CREB1: variants seen among roughly 807,000 people sequenced by gnomAD.
CREB1 encodes cAMP responsive element binding protein 1.
A neutral mutation model predicts 42.0 loss-of-function variants in CREB1; 2 were observed. The observed-to-expected ratio is 0.05, with a 90% CI of 0.02 to 0.15. CREB1 has a LOEUF of 0.15. Ranked by LOEUF, CREB1 falls within the 10% of genes least tolerant of loss-of-function variation. CREB1 has a pLI of 1.00. For synonymous variants in CREB1, 123 were observed against 139.9 expected, an observed-to-expected ratio of 0.88 and a Z score of 0.85; for missense variants, 199 against 388.9, an observed-to-expected ratio of 0.51 and a Z score of 4.11.
chr2:207,587,550 C>G (rs1371292487), intron 7 of CREB1, among the ~76,000 whole-genome samples: 2 of 152,002 alleles, frequency 1.3e-5, no homozygotes, highest in African/African-American at 4.8e-5. Context: ...AAATATCCAT[C>G]AACATATGAA....
chr2:207,595,135 A>G (rs1428035043), intron 7 of CREB1, among the ~76,000 whole-genome samples: 34 of 151,522 alleles, frequency 2.2e-4, no homozygotes, highest in Non-Finnish European at 1.5e-5. Flanking sequence ...AGCTGGGACT[A>G]CAGGCACCCA....
intron 1 of CREB1, among the ~76,000 whole-genome samples, chr2:207,535,496 C>T (rs2080831494): frequency 6.6e-6 from 1 of 151,906 alleles, no homozygotes; most frequent in African/African-American, 2.4e-5. Flanking sequence ...CTAGATTTCT[C>T]CCTGCATTCA....
intron 1 of CREB1, among the ~76,000 whole-genome samples, chr2:207,551,557 A>G (rs994414749): frequency 6.6e-6 from 1 of 152,216 alleles, no homozygotes; most frequent in Admixed American, 6.5e-5. Flanking sequence ...TCTCATGGTT[A>G]TACAGATGGA....
At chr2:207,535,322 A>G (rs2080822652) in intron 1 of CREB1, among the ~76,000 whole-genome samples, 1 of 152,174 alleles carries the variant, frequency 6.6e-6, no homozygotes, top group Non-Finnish European at 1.5e-5. Flanking sequence ...AGGTTCTTAC[A>G]GTTCTGAACA....
chr2:207,568,840 T>C (rs375056034), intron 4 of CREB1, among the ~76,000 whole-genome samples: 1 of 146,702 alleles, frequency 6.8e-6, no homozygotes, highest in African/African-American at 2.7e-5. Context: ...TTGATCTTTA[T>C]TTTTTTTTCT....
In CREB1 at chr2:207,578,529, A is replaced by G. The variant is rs147551200; in HGVS notation, c.839+874A>G. Among the ~76,000 whole-genome samples the G allele has an allele frequency of 4.4e-3, 671 of 152,262 alleles. 4 individuals are homozygous for G. Among genetic ancestry groups the G allele is most frequent in the Admixed American group, 7.3e-3 (111 of 15,294 alleles). On this transcript the variant is annotated intron_variant, in intron 7 of 7. Transcript: ENST00000353267. ...AGAAGGTATTAACCTTCTGTACCTC[A>G]GTTTTGTAAAATGGGATTCCAGCAC... is the stretch of plus-strand genomic sequence containing the variant.
chr2:207,566,543 G>A (rs1056418912), intron 3 of CREB1, among the ~76,000 whole-genome samples: 11 of 152,096 alleles, frequency 7.2e-5, no homozygotes, highest in Non-Finnish European at 1.5e-4. Flanking sequence ...TGACAAACCT[G>A]GTTTGAGACT....
intron 2 of CREB1, among the ~76,000 whole-genome samples, chr2:207,557,426 TAATCCCCACA>T (rs2081772910): frequency 6.6e-6 from 1 of 152,208 alleles, no homozygotes; most frequent in South Asian, 2.1e-4. Flanking sequence ...CTCACACCTA[TAATCCCCACA>T]CTTTGGGAGG....
intron 7 of CREB1, chr2:207,578,165 A>T (rs1044547282): frequency 6.5e-6 from 1 of 152,770 alleles, no homozygotes; most frequent in Non-Finnish European, 1.5e-5. Flanking sequence ...AATTCTAAGA[A>T]TACCATGTTA....
At position 207,555,672 on chromosome 2, in the gene CREB1, G is replaced by A; in HGVS notation, c.37G>A (p.Gly13Arg). Residue 13 changes from glycine (G) to arginine (R), a missense_variant, in exon 2 of 8, where the codon GGA becomes AGA. Around this residue, in one of 4 missense-constraint regions of CREB1, gnomAD observed 53 missense variants for 57.1 expected, o/e 0.93. Transcript: ENST00000353267. ...ATCTGGAGCCGAGAACCAGCAGAGT[G>A]GAGATGCAGCTGTAACAGAAGCTGA... ...MESGAENQQS[G>R]DAAVTEAENQ... 2 of 1,613,474 alleles carry A rather than the reference G, an allele frequency of 1.2e-6. No individual in the cohort carries two copies. Among genetic ancestry groups the A allele is most frequent in the Non-Finnish European group, 1.7e-6 (2 of 1,179,590 alleles).
At chr2:207,583,961 A>C (rs2083376839) in intron 7 of CREB1, among the ~76,000 whole-genome samples, 1 of 152,212 alleles carries the variant, frequency 6.6e-6, no homozygotes, top group Non-Finnish European at 1.5e-5. Context: ...TGGTTCCTTC[A>C]TCTAGCAAAA....
chr2:207,560,187 G>A (rs767403904), intron 2 of CREB1, 39 bp from the exon 3 acceptor site: 1 of 1,521,238 alleles, frequency 6.6e-7, no homozygotes. Flanking sequence ...GCCAAAGAGT[G>A]TCTGGGATGA....
rs763117051 is a variant in CREB1, at chr2:207,602,405, C to G, written c.*5347C>G. 12 of 201,484 alleles carry G rather than the reference C, an allele frequency of 6.0e-5. No individual in the cohort carries two copies. The highest frequency in any genetic ancestry group is 1.2e-4 in the Non-Finnish European group (12 of 98,010). 12.5% of individuals were successfully genotyped at this position (201,484 alleles called of 1,614,324 possible). A position where few individuals can be genotyped will look rare whatever the true frequency, so the allele number is the denominator to read the frequency against. ...ATACATTTTTAATTATTCTCACCAG[C>G]AAGTAAAAGGAAAATGAACAATCTT... On this transcript the variant is annotated 3_prime_UTR_variant, in exon 8 of 8. Coordinates refer to ENST00000353267, the MANE Select transcript of CREB1 (RefSeq NM_004379.5).
At chr2:207,546,978 ACTC>A (rs1244251289) in intron 1 of CREB1, among the ~76,000 whole-genome samples, 7 of 152,022 alleles carry the variant, frequency 4.6e-5, no homozygotes, top group Admixed American at 2.0e-4. Flanking sequence ...ATTACAGAGA[ACTC>A]CTCATTTTTT....
At chr2:207,551,083 T>C (rs1432932702) in intron 1 of CREB1, among the ~76,000 whole-genome samples, 1 of 152,252 alleles carries the variant, frequency 6.6e-6, no homozygotes, top group Non-Finnish European at 1.5e-5. Flanking sequence ...CCTTTGCTGA[T>C]ACCATTTTTC....
intron 3 of CREB1, among the ~76,000 whole-genome samples, chr2:207,562,515 C>T (rs1279246203): frequency 1.3e-5 from 2 of 152,070 alleles, no homozygotes; most frequent in African/African-American, 4.8e-5. Flanking sequence ...TTAAGGAACA[C>T]ATTTGTCCAT....
At position 207,600,953 on chromosome 2, in the gene CREB1, A is replaced by G. The variant is rs1378636354; in HGVS notation, c.*3895A>G. On this transcript the variant is annotated 3_prime_UTR_variant, in exon 8 of 8. Transcript: ENST00000353267. ...TAATATTTAACAAATTTTTAATTCT[A>G]TGATCAGCCACAGTCAGCTATTACC... The G allele has an allele frequency of 5.1e-6, 1 of 194,296 alleles. No homozygotes were observed. The highest frequency in any genetic ancestry group is 8.1e-5 in the East Asian group (1 of 12,406). The allele number at this position is 194,296 out of a possible 1,614,324, so 12.0% of individuals were successfully genotyped here. A position where few individuals can be genotyped will look rare whatever the true frequency, so the allele number is the denominator to read the frequency against.
chr2:207,591,873 G>T (rs1448856347), intron 7 of CREB1, among the ~76,000 whole-genome samples: 4 of 152,102 alleles, frequency 2.6e-5, no homozygotes, highest in Admixed American at 2.6e-4. Flanking sequence ...AAATGGTTTA[G>T]ATCAGGGATT....
At chr2:207,545,656 T>TA (rs2081274720) in intron 1 of CREB1, among the ~76,000 whole-genome samples, 1 of 152,156 alleles carries the variant, frequency 6.6e-6, no homozygotes, top group Non-Finnish European at 1.5e-5. Context: ...GATTCTCTAT[T>TA]AAAGGGTCAT....
Sources: allele counts gnomAD v4.1 joint callset (sites outside exome capture counted in the v4.1 genomes callset), GRCh38; gene constraint gnomAD v4.1.1; regional missense constraint gnomAD v4.1.1; transcripts MANE v1.5; gene names NCBI Gene and HGNC (gene_info 2026-07-23, HGNC 2026-07-21).